The following RALGPS2 variants were observed in gnomAD, a reference collection of about 807,000 sequenced individuals.
RALGPS2 encodes ras-specific guanine nucleotide-releasing factor RalGPS2.
Under a neutral mutation model 86.8 loss-of-function variants are expected in RALGPS2, and 43 were observed. The observed-to-expected ratio is 0.50, with a 90% CI of 0.39 to 0.64. The LOEUF (loss-of-function observed/expected upper bound fraction) is 0.64, where lower values mean the gene tolerates loss of function less well. Among genes scored for constraint, RALGPS2 ranks in the 30% least tolerant of loss-of-function variants. The pLI is 0.00. For synonymous variants in RALGPS2, 243 were observed against 231.3 expected (o/e 1.05, Z -0.46); for missense variants, 536 against 694.6 (o/e 0.77, Z 2.57).
intron 6 of RALGPS2, among the ~76,000 whole-genome samples, chr1:178,818,103 G>A (rs1172360542): frequency 2.6e-5 from 4 of 152,154 alleles, no homozygotes; most frequent in South Asian, 2.1e-4. Flanking sequence ...GCTCACGCCT[G>A]TAATCCTAGC....
chr1:178,773,795 CAAAAAAAA>C (rs35536351), intron 1 of RALGPS2, among the ~76,000 whole-genome samples: 1 of 108,730 alleles, frequency 9.2e-6, no homozygotes, highest in Admixed American at 9.8e-5. Flanking sequence ...GACTCCGTCT[CAAAAAAAA>C]AAAAAATACT....
At chr1:178,775,449 G>T (rs533125019) in intron 1 of RALGPS2, among the ~76,000 whole-genome samples, 19 of 152,208 alleles carry the variant, frequency 1.2e-4, no homozygotes, top group African/African-American at 4.6e-4. Context: ...TATGAAAAAC[G>T]TCATAGATCT....
intron 1 of RALGPS2, among the ~76,000 whole-genome samples, chr1:178,731,139 A>G (rs1213517017): frequency 6.6e-6 from 1 of 151,878 alleles, no homozygotes; most frequent in African/African-American, 2.4e-5. Flanking sequence ...AATTTGTGAG[A>G]TGTGTGTATT....
At chr1:178,889,344 T>C (rs965197097) in intron 13 of RALGPS2, among the ~76,000 whole-genome samples, 10 of 152,084 alleles carry the variant, frequency 6.6e-5, no homozygotes, top group African/African-American at 2.4e-4. Context: ...TTATTTTATG[T>C]TCTCTAATGG....
chr1:178,870,154 G>A (rs1658660978), intron 8 of RALGPS2, among the ~76,000 whole-genome samples: 1 of 152,006 alleles, frequency 6.6e-6, no homozygotes. Context: ...ATTTTGAGTT[G>A]GAACAAGAAA....
intron 8 of RALGPS2, among the ~76,000 whole-genome samples, chr1:178,834,952 ATT>A (rs1286635425): frequency 6.6e-6 from 1 of 151,956 alleles, no homozygotes; most frequent in Middle Eastern, 3.2e-3. Flanking sequence ...TAATTTTTGT[ATT>A]TTTAGTAGAG....
intron 4 of RALGPS2, among the ~76,000 whole-genome samples, chr1:178,806,346 C>A (rs1654739074): frequency 6.6e-6 from 1 of 152,116 alleles, no homozygotes; most frequent in African/African-American, 2.4e-5. Flanking sequence ...TGTTTTTTAA[C>A]TTCCAGTGCT....
intron 1 of RALGPS2, among the ~76,000 whole-genome samples, chr1:178,748,535 C>G (rs1651468939): frequency 6.6e-6 from 1 of 151,986 alleles, no homozygotes; most frequent in African/African-American, 2.4e-5. Flanking sequence ...GATGAGGTCT[C>G]AAAATAATTA....
chr1:178,853,021 G>A (rs1274704836), intron 8 of RALGPS2: 38 of 1,521,328 alleles, frequency 2.5e-5, no homozygotes, highest in Non-Finnish European at 3.3e-5. Flanking sequence ...TTACAGAGCA[G>A]TGTTAAACAT....
At chr1:178,861,979 TCTCCTGCCTCAG>T (rs1658048910) in intron 8 of RALGPS2, among the ~76,000 whole-genome samples, 1 of 152,084 alleles carries the variant, frequency 6.6e-6, no homozygotes, top group South Asian at 2.1e-4. Flanking sequence ...TTCAAGTGAT[TCTCCTGCCTCAG>T]CCTCCTGAAT....
chr1:178,818,354 C>T (rs560058541), intron 6 of RALGPS2, among the ~76,000 whole-genome samples: 20 of 152,006 alleles, frequency 1.3e-4, no homozygotes, highest in African/African-American at 4.1e-4. Context: ...AGCGAGACCA[C>T]GTCTCAAAAA....
At chr1:178,790,115 A>AT (rs1388609015) in intron 4 of RALGPS2, among the ~76,000 whole-genome samples, 1 of 151,878 alleles carries the variant, frequency 6.6e-6, no homozygotes, top group Non-Finnish European at 1.5e-5. Flanking sequence ...TGCCTGGCTA[A>AT]TTTTTTATTT....
At chr1:178,730,714 T>C (rs1196384153) in intron 1 of RALGPS2, among the ~76,000 whole-genome samples, 1 of 151,964 alleles carries the variant, frequency 6.6e-6, no homozygotes, top group Non-Finnish European at 1.5e-5. Context: ...TTGTTTTTTT[T>C]TTTGAGACAA....
At chr1:178,844,629 T>A (rs1409630248) in intron 8 of RALGPS2, among the ~76,000 whole-genome samples, 3 of 152,118 alleles carry the variant, frequency 2.0e-5, no homozygotes, top group Non-Finnish European at 4.4e-5. Flanking sequence ...AAGGAAAAAA[T>A]TGCTTTATAA....
intron 18 of RALGPS2, among the ~76,000 whole-genome samples, chr1:178,903,683 ATTCC>A (rs1320627524): frequency 1.3e-5 from 2 of 152,134 alleles, no homozygotes; most frequent in East Asian, 3.8e-4. Context: ...CTGTTAATTC[ATTCC>A]TTTTTATGGC....
In RALGPS2 at chr1:178,785,698, A is replaced by C. The variant is rs1653618263; in HGVS notation, c.213+91A>C. On this transcript the variant is annotated intron_variant, in intron 4 of 19. Coordinates refer to ENST00000367635, the MANE Select transcript of RALGPS2 (RefSeq NM_152663.5). The stretch of plus-strand genomic sequence containing the variant: ...GAAATGTCAAATTATACTTCATATT[A>C]ATTTTAAAATGTTTGAAGCTTGTGT... 4 of 1,440,864 alleles carry C rather than the reference A, an allele frequency of 2.8e-6. No individual in the cohort carries two copies. In the Admixed American group the frequency reaches 9.7e-5, roughly 35 times the overall value. 89.3% of individuals were successfully genotyped at this position (1,440,864 alleles called of 1,614,324 possible).
At chr1:178,800,235 T>G (rs1654407435) in intron 4 of RALGPS2, among the ~76,000 whole-genome samples, 2 of 152,146 alleles carry the variant, frequency 1.3e-5, no homozygotes, top group African/African-American at 2.4e-5. Context: ...TTTTACAACA[T>G]GGACCGTTCT....
chr1:178,866,626 C>A (rs751970213), intron 8 of RALGPS2, among the ~76,000 whole-genome samples: 1 of 152,048 alleles, frequency 6.6e-6, no homozygotes, highest in Non-Finnish European at 1.5e-5. Flanking sequence ...AGAAACTTGT[C>A]TGTAATTGAA....
intron 6 of RALGPS2, among the ~76,000 whole-genome samples, chr1:178,815,271 G>A (rs1254354826): frequency 2.0e-5 from 3 of 151,518 alleles, no homozygotes; most frequent in African/African-American, 2.4e-5. Context: ...TTTTTAGTAG[G>A]ACAGGGTTTT....
Sources: allele counts gnomAD v4.1 joint callset (sites outside exome capture counted in the v4.1 genomes callset), GRCh38; gene constraint gnomAD v4.1.1; transcripts MANE v1.5; gene names NCBI Gene and HGNC (gene_info 2026-07-23, HGNC 2026-07-21).